PTCHD1: variants seen among roughly 807,000 people sequenced by gnomAD.
The protein encoded by PTCHD1 is patched domain-containing protein 1.
In PTCHD1, 3 loss-of-function variants were observed where a neutral mutation model predicts 34.6. The ratio of observed to expected loss-of-function variants is 0.09; its 90% confidence interval spans 0.04 to 0.22. PTCHD1 has a LOEUF of 0.22. PTCHD1 is among the 10% of genes least tolerant of loss of function. PTCHD1 has a pLI of 1.00. For synonymous variants in PTCHD1, 305 were observed against 283.1 expected, an observed-to-expected ratio of 1.08 and a Z score of -0.77; for missense variants, 504 against 685.5, an observed-to-expected ratio of 0.74 and a Z score of 2.96.
At chrX:23,366,916 C>G (rs1922155908) in intron 1 of PTCHD1, among the ~76,000 whole-genome samples, 1 of 84,916 alleles carries the variant, frequency 1.2e-5, no homozygotes, top group South Asian at 5.7e-4. Flanking sequence ...CACACATGCT[C>G]CTGGTACACA....
chrX:23,335,651 C>T (rs1055794837), intron 1 of PTCHD1, among the ~76,000 whole-genome samples: 4 of 112,056 alleles, frequency 3.6e-5, no homozygotes, highest in Admixed American at 1.9e-4. Context: ...CCGAGATACC[C>T]CTCCCTGTCC....
chrX:23,341,681 G>T (rs1921314663), intron 1 of PTCHD1, among the ~76,000 whole-genome samples: 1 of 111,843 alleles, frequency 8.9e-6, no homozygotes, highest in Non-Finnish European at 1.9e-5. Flanking sequence ...CAGGGGAGGT[G>T]AGTAATCGCT....
At chrX:23,368,607 G>C (rs1047938421) in intron 1 of PTCHD1, among the ~76,000 whole-genome samples, 3 of 111,789 alleles carry the variant, frequency 2.7e-5, no homozygotes, top group African/African-American at 9.8e-5. Context: ...AAAACTCCCC[G>C]TGGGGAGAGA....
chrX:23,351,565 C>G (rs1921633759), intron 1 of PTCHD1: 1 of 266,116 alleles, frequency 3.8e-6, no homozygotes, highest in African/African-American at 2.8e-5. Context: ...TTAAAAACTT[C>G]TTAGTGACTG....
chrX:23,386,744 T>C (rs1922694654), intron 2 of PTCHD1, among the ~76,000 whole-genome samples: 1 of 112,912 alleles, frequency 8.9e-6, no homozygotes, highest in African/African-American at 3.2e-5. Context: ...TCTCTGAATT[T>C]TTGAGACGAA....
At chrX:23,380,893 G>T (rs1433788746) in intron 2 of PTCHD1, among the ~76,000 whole-genome samples, 2 of 111,269 alleles carry the variant, frequency 1.8e-5, no homozygotes, top group South Asian at 3.8e-4. Context: ...CCAGGGAGGT[G>T]CTCCTGCAGC....
intron 1 of PTCHD1, among the ~76,000 whole-genome samples, chrX:23,366,261 A>G (rs1419756461): frequency 8.9e-6 from 1 of 111,891 alleles, no homozygotes; most frequent in Non-Finnish European, 1.9e-5. Flanking sequence ...CAATGTAGCT[A>G]CCACACTGCA....
intron 1 of PTCHD1, among the ~76,000 whole-genome samples, chrX:23,357,573 T>C (rs917482552): frequency 5.4e-5 from 6 of 111,529 alleles, no homozygotes; most frequent in African/African-American, 2.0e-4. Flanking sequence ...GAAATCTGAC[T>C]GGCCACATCT....
intron 1 of PTCHD1, among the ~76,000 whole-genome samples, chrX:23,360,244 C>G: frequency 8.9e-6 from 1 of 111,755 alleles, no homozygotes. Context: ...CTATATACCT[C>G]TAGTAGAAGT....
At position 23,393,615 on chromosome X, in the gene PTCHD1, C is replaced by T. The variant is rs773160569; in HGVS notation, c.2097C>T (p.Pro699=). 3 of 1,209,719 alleles carry T rather than the reference C, an allele frequency of 2.5e-6. No homozygotes were observed. In the East Asian group the frequency reaches 8.9e-5, roughly 36 times the overall value. ...MDRYASSLGA[P]LHNSCISALF... Reference sequence around the variant, plus strand: ...GATATGCCTCCTCTCTGGGAGCCCCCCTGCACAACTCCTGCATCAGTGCTT... The same window carrying T: ...GATATGCCTCCTCTCTGGGAGCCCCTCTGCACAACTCCTGCATCAGTGCTT... Residue 699 remains proline, a synonymous_variant, in exon 3 of 3, where the codon CCC becomes CCT. Transcript: ENST00000379361.
chrX:23,361,745 T>C (rs1199100890), intron 1 of PTCHD1, among the ~76,000 whole-genome samples: 2 of 112,241 alleles, frequency 1.8e-5, no homozygotes, highest in Non-Finnish European at 3.8e-5. Flanking sequence ...TTCCTAGCAT[T>C]GATGGTCTTT....
chrX:23,375,287 CTTTT>C (rs72075900), intron 1 of PTCHD1, among the ~76,000 whole-genome samples: 1 of 83,714 alleles, frequency 1.2e-5, no homozygotes, highest in African/African-American at 4.8e-5. Context: ...GCTGACAATT[CTTTT>C]TTTTTTTTTT....
chrX:23,399,782 C>A lies in PTCHD1; in HGVS notation c.*5597C>A, dbSNP rs978709930. The stretch of plus-strand genomic sequence containing the variant: ...AGGACCAGGAAAGGAGCCCTCTGTA[C>A]TGTGCTCTTGTTGGCAAGAGGAACA... On this transcript the variant is annotated 3_prime_UTR_variant, in exon 3 of 3. Coordinates refer to ENST00000379361, the MANE Select transcript of PTCHD1 (RefSeq NM_173495.3). 8.9e-6 allele frequency: 1 copy of A among 112,107 alleles called. No individual in the cohort carries two copies. Among genetic ancestry groups the A allele is most frequent in the Non-Finnish European group, 1.9e-5 (1 of 53,245 alleles). 9.2% of individuals were successfully genotyped at this position (112,107 alleles called of 1,213,427 possible).
chrX:23,349,165 CAG>C (rs771498040), intron 1 of PTCHD1, among the ~76,000 whole-genome samples: 2 of 110,649 alleles, frequency 1.8e-5, no homozygotes, highest in East Asian at 2.8e-4. Flanking sequence ...GATACACTAA[CAG>C]AGGAGATAAA....
At chrX:23,364,020 A>T (rs1483180622) in intron 1 of PTCHD1, among the ~76,000 whole-genome samples, 1 of 112,495 alleles carries the variant, frequency 8.9e-6, no homozygotes, top group Non-Finnish European at 1.9e-5. Context: ...CACAGCAAAA[A>T]TAAATAAAAA....
At chrX:23,366,752 C>G (rs1490463197) in intron 1 of PTCHD1, among the ~76,000 whole-genome samples, 2 of 111,687 alleles carry the variant, frequency 1.8e-5, no homozygotes, top group African/African-American at 6.5e-5. Context: ...TTTGAATTTT[C>G]TGTGAGGGCA....
Position 23,393,142 on chromosome X carries a change from A to T in PTCHD1, c.1624A>T (p.Thr542Ser), listed in dbSNP as rs369668327. ...AACCGCGACACAAACCATTGAGTAC[A>T]CTACTGCCCAGCAAAAGTACTTCAG... ...VATATQTIEY[T>S]TAQQKYFSNY... is the part of the protein sequence containing the mutation. Residue 542 changes from threonine to serine, a missense_variant, in exon 3 of 3, where the codon ACT becomes TCT. Transcript: ENST00000379361. 16 of 1,210,106 alleles carry T rather than the reference A, an allele frequency of 1.3e-5. No homozygotes were observed. Among genetic ancestry groups the T allele is most frequent in the Non-Finnish European group, 1.8e-5 (16 of 895,100 alleles).
intron 2 of PTCHD1, among the ~76,000 whole-genome samples, chrX:23,391,433 A>T (rs148846667): frequency 0.029 from 3,197 of 111,143 alleles, 128 homozygotes; most frequent in African/African-American, 0.099. Flanking sequence ...TTTTATCAAT[A>T]ACCAGGAGAG....
intron 2 of PTCHD1, among the ~76,000 whole-genome samples, chrX:23,386,916 G>C (rs772168129): frequency 1.9e-4 from 21 of 112,295 alleles, no homozygotes; most frequent in Non-Finnish European, 3.8e-4. Flanking sequence ...TCCTTACTTT[G>C]AGGAACTCAG....
Sources: allele counts gnomAD v4.1 joint callset (sites outside exome capture counted in the v4.1 genomes callset), GRCh38; gene constraint gnomAD v4.1.1; transcripts MANE v1.5; gene names NCBI Gene and HGNC (gene_info 2026-07-23, HGNC 2026-07-21).